Variants in NBEA observed in about 807,000 individuals in gnomAD.
NBEA encodes lysosomal-trafficking regulator 2.
In NBEA, 44 loss-of-function variants were observed where a neutral mutation model predicts 343.4. The ratio of observed to expected loss-of-function variants is 0.13; its 90% CI spans 0.10 to 0.16. The LOEUF (loss-of-function observed/expected upper bound fraction) is 0.16. Ranked by LOEUF, NBEA falls within the 10% of genes least tolerant of loss-of-function variation. The probability of loss-of-function intolerance (pLI) is 1.00; values close to 1 mark genes in which losing one functional copy is unlikely to be tolerated. For missense variants in NBEA, 2,555 were observed against 3,631.3 expected, an observed-to-expected ratio of 0.70 and a Z score of 7.62; for synonymous variants, 1,175 against 1,238.7, an observed-to-expected ratio of 0.95 and a Z score of 1.08.
At chr13:35,027,668 A>G (rs74051217) in intron 1 of NBEA, among the ~76,000 whole-genome samples, 2 of 151,952 alleles carry the variant, frequency 1.3e-5, no homozygotes, top group Non-Finnish European at 2.9e-5. Flanking sequence ...TCTCAGAGCA[A>G]AAGTTTTTAT....
intron 40 of NBEA, among the ~76,000 whole-genome samples, chr13:35,460,238 C>G (rs907458996): frequency 6.6e-6 from 1 of 152,192 alleles, no homozygotes; most frequent in African/African-American, 2.4e-5. Context: ...CCCTGACTCA[C>G]TCACACTTAA....
chr13:35,299,860 A>G (rs1288775355), intron 35 of NBEA, among the ~76,000 whole-genome samples: 3 of 152,138 alleles, frequency 2.0e-5, no homozygotes, highest in East Asian at 3.8e-4. Flanking sequence ...ATCCCTTTGC[A>G]TGTGTTTTCA....
intron 38 of NBEA, among the ~76,000 whole-genome samples, chr13:35,412,661 A>G (rs905185934): frequency 6.6e-6 from 1 of 152,142 alleles, no homozygotes; most frequent in African/African-American, 2.4e-5. Flanking sequence ...ACAGTACTCT[A>G]TGTATATCAT....
intron 24 of NBEA, among the ~76,000 whole-genome samples, chr13:35,167,425 T>C (rs1250423342): frequency 6.6e-6 from 1 of 151,704 alleles, no homozygotes; most frequent in Non-Finnish European, 1.5e-5. Flanking sequence ...GTACATATCT[T>C]AATGGAAACT....
At chr13:35,659,461 G>GA (rs1490933299) in intron 55 of NBEA, among the ~76,000 whole-genome samples, 1 of 152,150 alleles carries the variant, frequency 6.6e-6, no homozygotes, top group African/African-American at 2.4e-5. Context: ...ATTCCACGAA[G>GA]AAAAAATGTC....
intron 39 of NBEA, among the ~76,000 whole-genome samples, chr13:35,434,521 A>T (rs2045313134): frequency 6.6e-6 from 1 of 152,206 alleles, no homozygotes; most frequent in Admixed American, 6.5e-5. Context: ...GGGAATCGAC[A>T]TGGTACTATT....
chr13:34,987,566 C>T (rs529448074), intron 1 of NBEA, among the ~76,000 whole-genome samples: 19 of 151,094 alleles, frequency 1.3e-4, no homozygotes, highest in African/African-American at 4.3e-4. Flanking sequence ...GGAAGTTCTC[C>T]TGGATAAGAT....
At chr13:35,643,084 G>A (rs1346780460) in intron 49 of NBEA, among the ~76,000 whole-genome samples, 1 of 135,016 alleles carries the variant, frequency 7.4e-6, no homozygotes, top group Non-Finnish European at 1.7e-5. Flanking sequence ...CACAGTTCCA[G>A]TAGTTTCTTT....
In NBEA at chr13:35,195,944, A is replaced by G. The variant is rs1273803183; in HGVS notation, c.5008A>G (p.Ile1670Val). The change falls in exon 31 of 59, where the codon ATT (isoleucine) becomes GTT (valine). Residue 1670 changes from isoleucine to valine, a missense_variant. Ile to Val is a conservative substitution (Grantham distance 29). This residue lies in a region of NBEA where 270 missense variants were observed against 293.3 expected (regional missense o/e 0.92). Coordinates refer to ENST00000379939, the MANE Select transcript of NBEA (RefSeq NM_001385012.1). Reference sequence around the variant, plus strand: ...TGAAGATATTCAGGTAGAAAGTTCAATTCCCCATACAGATTCAGGAATTGG... The same window carrying G: ...TGAAGATATTCAGGTAGAAAGTTCAGTTCCCCATACAGATTCAGGAATTGG... ...PGEDIQVESSIPHTDSGIGEE... is the reference protein window; with the variant it reads ...PGEDIQVESSVPHTDSGIGEE... The G allele has an allele frequency of 6.2e-7, 1 of 1,613,574 alleles. No homozygotes were observed. The highest frequency in any genetic ancestry group is 8.5e-7 in the Non-Finnish European group (1 of 1,179,672).
intron 30 of NBEA, among the ~76,000 whole-genome samples, chr13:35,184,393 A>G (rs1257007055): frequency 6.6e-6 from 1 of 152,052 alleles, no homozygotes; most frequent in Non-Finnish European, 1.5e-5. Flanking sequence ...TATAAAGGCT[A>G]CTCTAGAATA....
intron 34 of NBEA, among the ~76,000 whole-genome samples, chr13:35,279,136 A>G (rs1172060808): frequency 6.6e-6 from 1 of 152,210 alleles, no homozygotes; most frequent in Non-Finnish European, 1.5e-5. Flanking sequence ...AGCCCTGGCC[A>G]ATACTTTTTA....
At chr13:35,198,076 TTC>T in intron 31 of NBEA, among the ~76,000 whole-genome samples, 1 of 152,192 alleles carries the variant, frequency 6.6e-6, no homozygotes, top group Non-Finnish European at 1.5e-5. Flanking sequence ...AGAAATATTT[TTC>T]TTTTTTTGGT....
intron 1 of NBEA, among the ~76,000 whole-genome samples, chr13:35,008,573 ACT>A (rs973355643): frequency 2.0e-5 from 3 of 152,138 alleles, no homozygotes; most frequent in African/African-American, 7.2e-5. Context: ...ATACACAGAG[ACT>A]CTATGCATAC....
At chr13:35,277,672 C>CAAAGGAGG (rs200382223) in intron 34 of NBEA, among the ~76,000 whole-genome samples, 6,237 of 134,756 alleles carry the variant, frequency 0.046, 178 homozygotes, top group South Asian at 0.08. Flanking sequence ...CATATGTATG[C>CAAAGGAGG]AAAGGAGGGT....
At chr13:35,070,687 A>G in intron 9 of NBEA, 32 bp from the exon 10 acceptor site, 1 of 1,535,128 alleles carries the variant, frequency 6.5e-7, no homozygotes, top group Non-Finnish European at 8.9e-7. Flanking sequence ...ATTCTATAGA[A>G]GTTTAATAAA....
chr13:35,053,780 A>G (rs1296958637), intron 6 of NBEA, among the ~76,000 whole-genome samples: 1 of 152,168 alleles, frequency 6.6e-6, no homozygotes, highest in African/African-American at 2.4e-5. Context: ...ATGGTATGTT[A>G]TGTATGGGTG....
chr13:35,667,492 C>T lies in NBEA; in HGVS notation c.8583C>T (p.Tyr2861=). 1 of 1,614,016 alleles carries T rather than the reference C, an allele frequency of 6.2e-7. No individual in the cohort carries two copies. The highest frequency in any genetic ancestry group is 8.5e-7 in the Non-Finnish European group (1 of 1,179,878). The change falls in exon 57 of 59, where the codon TAC becomes TAT. Residue 2861 remains tyrosine, a synonymous_variant. Coordinates refer to ENST00000379939, the MANE Select transcript of NBEA (RefSeq NM_001385012.1). The stretch of plus-strand genomic sequence containing the variant: ...CCAGCGAAGGCCACTGTATCATATA[C>T]TATGAACGAGGGCGATTCAGTAATT... ...SVSSEGHCII[Y]YERGRFSNFS...
chr13:35,279,387 A>G (rs1412825050), intron 34 of NBEA, among the ~76,000 whole-genome samples: 1 of 152,222 alleles, frequency 6.6e-6, no homozygotes, highest in Admixed American at 6.5e-5. Flanking sequence ...CATTAAAACC[A>G]GATATTCTGA....
rs1346164267 is a variant in NBEA, at chr13:35,400,164, T to A, written c.6180-32105T>A. Among the ~76,000 whole-genome samples the A allele has an allele frequency of 2.1e-5, 3 of 139,944 alleles. No homozygotes were observed. In the Admixed American group the frequency reaches 2.3e-4, roughly 11 times the overall value. The allele number at this position is 139,944 out of a possible 152,430, so 91.8% of individuals were successfully genotyped here. On this transcript the variant is annotated intron_variant, in intron 38 of 58. Transcript: ENST00000379939. Reference sequence around the variant, plus strand: ...GGGACTATGTCACGGATAGATTTGCTAGATGCAGGGTTGCCACAACTCTTC... The same window carrying A: ...GGGACTATGTCACGGATAGATTTGCAAGATGCAGGGTTGCCACAACTCTTC...
Sources: allele counts gnomAD v4.1 joint callset (sites outside exome capture counted in the v4.1 genomes callset), GRCh38; gene constraint gnomAD v4.1.1; regional missense constraint gnomAD v4.1.1; transcripts MANE v1.5; gene names NCBI Gene and HGNC (gene_info 2026-07-23, HGNC 2026-07-21).